Variants in PCDH19 observed in about 807,000 individuals in gnomAD.
PCDH19 encodes protocadherin 19.
In PCDH19, 6 loss-of-function variants were observed where a neutral mutation model predicts 46.2. The ratio of observed to expected loss-of-function variants is 0.13; its 90% confidence interval spans 0.07 to 0.26. The LOEUF is 0.26. Ranked by LOEUF, PCDH19 falls within the 10% of genes least tolerant of loss-of-function variation. The pLI is 1.00. For synonymous variants in PCDH19, 481 were observed against 415.7 expected, an observed-to-expected ratio of 1.16 and a Z score of -1.91; for missense variants, 740 against 972.3, an observed-to-expected ratio of 0.76 and a Z score of 3.18.
intron 5 of PCDH19, among the ~76,000 whole-genome samples, chrX:100,335,507 C>T (rs1455338902): frequency 8.9e-6 from 1 of 111,906 alleles, no homozygotes; most frequent in African/African-American, 3.2e-5. Flanking sequence ...ATGACATTCC[C>T]ATTGAAAATA....
chrX:100,311,070 T>A (rs1925116738), intron 5 of PCDH19, among the ~76,000 whole-genome samples: 1 of 109,263 alleles, frequency 9.2e-6, no homozygotes, highest in Admixed American at 9.9e-5. Flanking sequence ...GGTCTCAAAA[T>A]CCTGGACTCA....
chrX:100,372,432 AG>A (rs908552761), intron 3 of PCDH19, among the ~76,000 whole-genome samples: 2 of 111,846 alleles, frequency 1.8e-5, no homozygotes, highest in African/African-American at 6.5e-5. Flanking sequence ...CTTCCCTAAC[AG>A]GGCAACTGAA....
chrX:100,394,810 A>G (rs1487312988), intron 3 of PCDH19, among the ~76,000 whole-genome samples: 1 of 111,052 alleles, frequency 9.0e-6, no homozygotes, highest in Non-Finnish European at 1.9e-5. Flanking sequence ...CAAGGGCCAG[A>G]TTTCAATCAA....
chrX:100,313,857 T>TCACACA (rs3222341), intron 5 of PCDH19, among the ~76,000 whole-genome samples: 21 of 76,282 alleles, frequency 2.8e-4, no homozygotes, highest in Non-Finnish European at 3.9e-4. Context: ...CTGCTGTTAA[T>TCACACA]CACACACACA....
In PCDH19 at chrX:100,409,074, A is replaced by C. The variant is rs1193235493; in HGVS notation, c.-477T>G. The C allele has an allele frequency of 8.9e-6, 1 of 112,738 alleles. No individual in the cohort carries two copies. The highest frequency in any genetic ancestry group is 1.9e-5 in the Non-Finnish European group (1 of 53,248). 9.3% of individuals were successfully genotyped at this position (112,738 alleles called of 1,213,427 possible). A position where few individuals can be genotyped will look rare whatever the true frequency, so the allele number is the denominator to read the frequency against. On this transcript the variant is annotated 5_prime_UTR_variant, in exon 1 of 6. Coordinates refer to ENST00000373034, the MANE Select transcript of PCDH19 (RefSeq NM_001184880.2). ...GCCCGGCCCGCCGCGGTGCACCGGC[A>C]CTGAGGCTGGCGAACTCGCTGTCTG... is the stretch of plus-strand genomic sequence containing the variant.
At chrX:100,312,303 CAACTT>C (rs772347059) in intron 5 of PCDH19, among the ~76,000 whole-genome samples, 53 of 111,216 alleles carry the variant, frequency 4.8e-4, no homozygotes, top group Non-Finnish European at 3.6e-4. Context: ...AGGTAGAAAT[CAACTT>C]AAAGTAAAAT....
At chrX:100,328,857 T>C (rs1925783321) in intron 5 of PCDH19, among the ~76,000 whole-genome samples, 1 of 112,472 alleles carries the variant, frequency 8.9e-6, no homozygotes, top group Non-Finnish European at 1.9e-5. Context: ...TTAAAGTGAA[T>C]TGTGTTTCTT....
intron 3 of PCDH19, among the ~76,000 whole-genome samples, chrX:100,359,543 C>T (rs1159088359): frequency 9.0e-6 from 1 of 111,099 alleles, no homozygotes; most frequent in Non-Finnish European, 1.9e-5. Flanking sequence ...ATTTTAGAAG[C>T]TATGATTTGG....
chrX:100,343,267 C>A (rs1926306245), intron 4 of PCDH19, among the ~76,000 whole-genome samples: 1 of 111,331 alleles, frequency 9.0e-6, no homozygotes, highest in Admixed American at 9.6e-5. Context: ...ATTCCTCAGC[C>A]CCCATAATCA....
At chrX:100,316,052 T>C (rs957519501) in intron 5 of PCDH19, among the ~76,000 whole-genome samples, 6 of 112,047 alleles carry the variant, frequency 5.4e-5, no homozygotes, top group Admixed American at 4.7e-4. Flanking sequence ...GTGTACATCA[T>C]AGACTGGAAA....
intron 5 of PCDH19, among the ~76,000 whole-genome samples, chrX:100,305,969 G>A (rs12012700): frequency 0.24 from 26,581 of 110,520 alleles, 2,752 homozygotes; most frequent in Middle Eastern, 0.47. Flanking sequence ...AATAATAGTG[G>A]GGGACTTTAA....
chrX:100,370,403 T>A (rs928461730), intron 3 of PCDH19, among the ~76,000 whole-genome samples: 4 of 112,288 alleles, frequency 3.6e-5, no homozygotes, highest in Non-Finnish European at 7.5e-5. Flanking sequence ...TCTAAAGCTG[T>A]CTATTTAGCC....
chrX:100,331,611 G>A (rs1036866498), intron 5 of PCDH19, among the ~76,000 whole-genome samples: 1 of 111,968 alleles, frequency 8.9e-6, no homozygotes, highest in Non-Finnish European at 1.9e-5. Context: ...TGTTGAGGGA[G>A]GGACCTGTAA....
intron 1 of PCDH19, 54 bp downstream of exon 1, chrX:100,406,395 GAC>G (rs1197046013): frequency 1.1e-6 from 1 of 935,884 alleles, no homozygotes. Context: ...TTCACACAGA[GAC>G]ACAGATAAAC....
chrX:100,358,770 A>G (rs944988847), intron 3 of PCDH19, among the ~76,000 whole-genome samples: 74 of 112,481 alleles, frequency 6.6e-4, no homozygotes, highest in African/African-American at 2.3e-3. Context: ...GTTAATGCCT[A>G]TTATATGTAC....
chrX:100,409,970 G>C lies in PCDH19; in HGVS notation c.-1373C>G. On this transcript the variant is annotated 5_prime_UTR_variant, in exon 1 of 6. Coordinates refer to ENST00000373034, the MANE Select transcript of PCDH19 (RefSeq NM_001184880.2). Reference sequence around the variant, plus strand: ...TCTCGGGCTGTGTGTGAATGTGTGAGAGAGAGAGGAAGAGTGAGTGTGTGG... The same window carrying C: ...TCTCGGGCTGTGTGTGAATGTGTGACAGAGAGAGGAAGAGTGAGTGTGTGG... 1 of 307,130 alleles carries C rather than the reference G, an allele frequency of 3.3e-6. No homozygotes were observed. Among genetic ancestry groups the C allele is most frequent in the Non-Finnish European group, 5.6e-6 (1 of 178,341 alleles). The allele number at this position is 307,130 out of a possible 1,213,427, so 25.3% of individuals were successfully genotyped here.
chrX:100,339,455 T>C (rs1480436939), intron 5 of PCDH19, among the ~76,000 whole-genome samples: 1 of 112,643 alleles, frequency 8.9e-6, no homozygotes, highest in African/African-American at 3.2e-5. Context: ...AGATCAGGCA[T>C]GCATGGTGGA....
chrX:100,379,973 C>T (rs1368648168), intron 3 of PCDH19, among the ~76,000 whole-genome samples: 1 of 111,903 alleles, frequency 8.9e-6, no homozygotes, highest in Non-Finnish European at 1.9e-5. Context: ...AGCCACAAAC[C>T]ATCCATCTGA....
intron 3 of PCDH19, among the ~76,000 whole-genome samples, chrX:100,363,774 C>A (rs1926983779): frequency 1.0e-5 from 1 of 97,593 alleles, no homozygotes; most frequent in Non-Finnish European, 2.0e-5. Context: ...ATATTATATA[C>A]CCAACTTCTC....
Sources: gnomAD v4.1 joint callset for allele counts (sites outside exome capture counted in the v4.1 genomes callset) on GRCh38, gnomAD v4.1.1 for gene constraint, MANE v1.5 for transcripts, NCBI Gene and HGNC (gene_info 2026-07-23, HGNC 2026-07-21) for gene names.